TNRC6B: variants seen among roughly 807,000 people sequenced by gnomAD.
TNRC6B encodes the protein trinucleotide repeat-containing gene 6B protein.
In TNRC6B, 52 loss-of-function variants were observed where a neutral mutation model predicts 203.6. That is an observed-to-expected ratio of 0.26 (90% CI 0.20 to 0.32). The LOEUF is 0.32. Ranked by LOEUF, TNRC6B falls within the 10% of genes least tolerant of loss-of-function variation. The pLI is 1.00. For synonymous variants in TNRC6B, 838 were observed against 845.7 expected, an observed-to-expected ratio of 0.99 and a Z score of 0.16; for missense variants, 1,923 against 2,286.2, an observed-to-expected ratio of 0.84 and a Z score of 3.24.
At chr22:40,234,654 C>T (rs2069923856) in intron 1 of TNRC6B, among the ~76,000 whole-genome samples, 2 of 152,146 alleles carry the variant, frequency 1.3e-5, no homozygotes, top group Admixed American at 6.5e-5. Context: ...TTACCTATCA[C>T]ATGTCACATA....
intron 1 of TNRC6B, among the ~76,000 whole-genome samples, chr22:40,192,053 T>A (rs1472526749): frequency 2.0e-5 from 3 of 152,140 alleles, no homozygotes; most frequent in African/African-American, 7.2e-5. Context: ...AGAGATAGGA[T>A]CTTGCTTTTT....
In TNRC6B at chr22:40,301,247, C is replaced by T. The variant is rs1220754196; in HGVS notation, c.4034C>T (p.Pro1345Leu). ...HSPSHPVGPK[P>L]HLDNMVPNAL... ...CCCTCTCATCCTGTTGGGCCCAAGC[C>T]GCATCTGGACAACATGGTACCCAAC... The change falls in exon 15 of 23, where the codon CCG becomes CTG. Residue 1345 changes from proline (P) to leucine (L), a missense_variant. By Grantham distance (98) the Pro-to-Leu change is moderately conservative (BLOSUM62 -3). This residue lies in a region of TNRC6B where 242 missense variants were observed against 399.5 expected (regional missense o/e 0.61). Coordinates refer to ENST00000454349, the MANE Select transcript of TNRC6B (RefSeq NM_001162501.2). The T allele has an allele frequency of 5.1e-6, 8 of 1,570,266 alleles. No homozygotes were observed. The highest frequency in any genetic ancestry group is 3.5e-5 in the South Asian group (3 of 85,654).
intron 2 of TNRC6B, among the ~76,000 whole-genome samples, chr22:40,247,883 C>T (rs1261779938): frequency 2.0e-5 from 3 of 152,014 alleles, no homozygotes; most frequent in Non-Finnish European, 4.4e-5. Context: ...CCAGCCTTGC[C>T]AACATGAAAA....
At chr22:40,291,900 G>A (rs1053199690) in intron 12 of TNRC6B, among the ~76,000 whole-genome samples, 1 of 152,150 alleles carries the variant, frequency 6.6e-6, no homozygotes, top group Non-Finnish European at 1.5e-5. Flanking sequence ...TGTAAACATA[G>A]AAGATACTGA....
chr22:40,316,375 A>G (rs896040888), intron 21 of TNRC6B, among the ~76,000 whole-genome samples: 3 of 151,668 alleles, frequency 2.0e-5, no homozygotes, highest in Admixed American at 1.3e-4. Flanking sequence ...CAAAAAAAAA[A>G]GAGGTAAAGA....
At chr22:40,192,724 G>A (rs2069289854) in intron 1 of TNRC6B, among the ~76,000 whole-genome samples, 1 of 152,246 alleles carries the variant, frequency 6.6e-6, no homozygotes, top group Non-Finnish European at 1.5e-5. Flanking sequence ...CAGGCTGGGG[G>A]AAGGGATGAT....
intron 1 of TNRC6B, among the ~76,000 whole-genome samples, chr22:40,229,457 T>C (rs77645426): frequency 2.0e-5 from 3 of 151,446 alleles, no homozygotes; most frequent in East Asian, 1.9e-4. Context: ...TTTTTTTTTT[T>C]CTCTCTCTTC....
intron 11 of TNRC6B, among the ~76,000 whole-genome samples, chr22:40,281,557 A>G (rs1238391623): frequency 6.6e-6 from 1 of 151,946 alleles, no homozygotes; most frequent in Non-Finnish European, 1.5e-5. Context: ...ATAACTGACT[A>G]AGGAAAATGT....
At chr22:40,124,766 G>A (rs574388438) in intron 2 of TNRC6B, among the ~76,000 whole-genome samples, 5 of 152,196 alleles carry the variant, frequency 3.3e-5, no homozygotes, top group East Asian at 1.9e-4. Flanking sequence ...TGTAATCCCA[G>A]CACTTTGGGA....
At chr22:40,208,022 G>A (rs993161681) in intron 1 of TNRC6B, among the ~76,000 whole-genome samples, 9 of 150,826 alleles carry the variant, frequency 6.0e-5, no homozygotes, top group African/African-American at 2.2e-4. Context: ...GCTGAGGCAG[G>A]AGAATGGCGG....
chr22:40,220,443 GC>G (rs2069692424), intron 1 of TNRC6B, among the ~76,000 whole-genome samples: 1 of 152,134 alleles, frequency 6.6e-6, no homozygotes, highest in Non-Finnish European at 1.5e-5. Flanking sequence ...ACTCTTGACA[GC>G]TTTAGAGTGA....
At chr22:40,296,069 G>GC (rs1300397446) in intron 12 of TNRC6B, among the ~76,000 whole-genome samples, 1 of 152,026 alleles carries the variant, frequency 6.6e-6, no homozygotes, top group East Asian at 1.9e-4. Context: ...ACATATTGGG[G>GC]CCACAGTACC....
chr22:40,099,546 G>A (rs143835363), intron 1 of TNRC6B, among the ~76,000 whole-genome samples: 6 of 152,134 alleles, frequency 3.9e-5, no homozygotes, highest in South Asian at 2.1e-4. Flanking sequence ...AAAAAATTGC[G>A]TCTCTGTTGA....
chr22:40,126,059 G>A (rs2068490591), intron 3 of TNRC6B, among the ~76,000 whole-genome samples: 1 of 151,960 alleles, frequency 6.6e-6, no homozygotes, highest in Admixed American at 6.6e-5. Context: ...CAATTTTACT[G>A]AACTACAGAG....
At chr22:40,123,489 T>C (rs2068462227) in intron 2 of TNRC6B, among the ~76,000 whole-genome samples, 1 of 152,200 alleles carries the variant, frequency 6.6e-6, no homozygotes, top group Non-Finnish European at 1.5e-5. Context: ...CCATCCCTTC[T>C]TCCTCTCCCG....
intron 3 of TNRC6B, among the ~76,000 whole-genome samples, chr22:40,127,637 C>T (rs569369971): frequency 2.0e-5 from 3 of 152,136 alleles, no homozygotes; most frequent in South Asian, 2.1e-4. Flanking sequence ...TTTGGGAGTC[C>T]GAGGTGGGCA....
chr22:40,319,044 C>G (rs1255878476), intron 21 of TNRC6B, among the ~76,000 whole-genome samples: 1 of 152,136 alleles, frequency 6.6e-6, no homozygotes. Context: ...GCACTCCAGC[C>G]TGGGTAACAG....
At chr22:40,172,159 C>T (rs1269065147) in intron 4 of TNRC6B, among the ~76,000 whole-genome samples, 1 of 152,178 alleles carries the variant, frequency 6.6e-6, no homozygotes, top group Non-Finnish European at 1.5e-5. Flanking sequence ...GGATTACAGG[C>T]ATGAGCCACC....
chr22:40,300,010 C>T (rs930943681), intron 12 of TNRC6B, among the ~76,000 whole-genome samples: 4 of 152,180 alleles, frequency 2.6e-5, no homozygotes, highest in African/African-American at 9.7e-5. Flanking sequence ...TGCATTGAAA[C>T]TCATGTCTTC....
Sources: allele counts gnomAD v4.1 joint callset (sites outside exome capture counted in the v4.1 genomes callset), GRCh38; gene constraint gnomAD v4.1.1; regional missense constraint gnomAD v4.1.1; transcripts MANE v1.5; gene names NCBI Gene and HGNC (gene_info 2026-07-23, HGNC 2026-07-21).